Variants in NPAS3 observed in about 807,000 individuals in gnomAD.
The protein encoded by NPAS3 is neuronal PAS domain protein 3.
NPAS3 carries 14 observed loss-of-function variants against 73.1 expected under a neutral mutation model. The ratio of observed to expected loss-of-function variants is 0.19; its 90% confidence interval spans 0.13 to 0.30. The LOEUF is 0.30. NPAS3 is among the 10% of genes least tolerant of loss of function. The pLI is 1.00. For missense variants in NPAS3, 1,096 were observed against 1,250.0 expected (o/e 0.88, Z 1.86); for synonymous variants, 620 against 541.5 (o/e 1.14, Z -2.01).
chr14:33,593,004 G>A (rs1407446574), intron 5 of NPAS3, among the ~76,000 whole-genome samples: 2 of 151,984 alleles, frequency 1.3e-5, no homozygotes, highest in East Asian at 1.9e-4. Context: ...GACACATCTC[G>A]TAGAAGGTAA....
intron 4 of NPAS3, among the ~76,000 whole-genome samples, chr14:33,531,452 A>G (rs2054040295): frequency 6.6e-6 from 1 of 152,108 alleles, no homozygotes; most frequent in Admixed American, 6.6e-5. Context: ...ATGATACAGT[A>G]TGTAAGCTTT....
At chr14:33,414,552 T>A (rs1178998362) in intron 4 of NPAS3, among the ~76,000 whole-genome samples, 2 of 152,172 alleles carry the variant, frequency 1.3e-5, no homozygotes, top group Non-Finnish European at 1.5e-5. Context: ...CTGATAAGTT[T>A]TACTTCAAAT....
chr14:33,165,327 A>G (rs1268459098), intron 2 of NPAS3, among the ~76,000 whole-genome samples: 1 of 151,202 alleles, frequency 6.6e-6, no homozygotes, highest in Non-Finnish European at 1.5e-5. Flanking sequence ...TCATTGCATA[A>G]TCTAGTAGGC....
At chr14:33,560,257 T>G (rs2055576888) in intron 5 of NPAS3, 47 bp downstream of exon 5, 1 of 805,722 alleles carries the variant, frequency 1.2e-6, no homozygotes, top group Non-Finnish European at 2.2e-6. Context: ...TGAAGCCTTC[T>G]TCAGCCTCAT....
intron 5 of NPAS3, chr14:33,612,574 T>C (rs2057785599): frequency 2.2e-6 from 1 of 448,664 alleles, no homozygotes; most frequent in Non-Finnish European, 4.5e-6. Context: ...AAACTCTGTA[T>C]ACTTGCTTTT....
intron 3 of NPAS3, among the ~76,000 whole-genome samples, chr14:33,342,382 T>G (rs2140314790): frequency 6.6e-6 from 1 of 152,282 alleles, no homozygotes; most frequent in Admixed American, 6.5e-5. Flanking sequence ...CCACAGAATG[T>G]GTGTGGTCCT....
intron 1 of NPAS3, among the ~76,000 whole-genome samples, chr14:33,015,643 A>G (rs1193952144): frequency 6.6e-6 from 1 of 152,216 alleles, no homozygotes; most frequent in Non-Finnish European, 1.5e-5. Context: ...TGTATTATAT[A>G]GATGCACATG....
intron 4 of NPAS3, among the ~76,000 whole-genome samples, chr14:33,505,002 A>G (rs557530309): frequency 1.3e-5 from 2 of 152,154 alleles, no homozygotes; most frequent in East Asian, 1.9e-4. Flanking sequence ...TGTCTCTCTC[A>G]AGTAAATTGA....
At chr14:33,409,047 C>T (rs1361563251) in intron 4 of NPAS3, among the ~76,000 whole-genome samples, 1 of 152,170 alleles carries the variant, frequency 6.6e-6, no homozygotes, top group South Asian at 2.1e-4. Flanking sequence ...CTTCTAAGTT[C>T]TCCCACTGAT....
At chr14:33,639,285 G>C (rs1181960677) in intron 5 of NPAS3, among the ~76,000 whole-genome samples, 1 of 152,108 alleles carries the variant, frequency 6.6e-6, no homozygotes, top group African/African-American at 2.4e-5. Flanking sequence ...GTCTGGATTG[G>C]CCAATCTCAA....
intron 6 of NPAS3, among the ~76,000 whole-genome samples, chr14:33,725,013 A>G (rs578108145): frequency 1.3e-5 from 2 of 152,318 alleles, no homozygotes; most frequent in South Asian, 4.1e-4. Flanking sequence ...TGTGTTTGAA[A>G]GTGATGTAAT....
At chr14:33,584,401 TAA>T (rs5807734) in intron 5 of NPAS3, among the ~76,000 whole-genome samples, 1 of 84,322 alleles carries the variant, frequency 1.2e-5, no homozygotes, top group Non-Finnish European at 2.6e-5. Flanking sequence ...GATGTTTATT[TAA>T]AAAAAAAAAG....
chr14:33,423,553 A>G (rs2048438075), intron 4 of NPAS3, among the ~76,000 whole-genome samples: 2 of 152,022 alleles, frequency 1.3e-5, no homozygotes, highest in Non-Finnish European at 2.9e-5. Context: ...CTGGTACAAA[A>G]CATGTATGTA....
Position 33,800,506 on chromosome 14 carries a change from C to G in NPAS3, c.2199C>G (p.Ala733=). ...CCGCCCGCAAGACTCAGTTCGGCGC[C>G]TCGGCCACCGCGGCCCTGGCCCCCG... The change falls in exon 12 of 12, where the codon GCC becomes GCG. Residue 733 remains alanine, a synonymous_variant. Coordinates refer to ENST00000356141, the Ensembl canonical transcript of NPAS3. This position sits in a 1 kb window ranked among gnomAD's most constrained non-coding sequence, Gnocchi z 6.5. The G allele has an allele frequency of 7.0e-7, 1 of 1,433,780 alleles. No homozygotes were observed. The highest frequency in any genetic ancestry group is 9.1e-7 in the Non-Finnish European group (1 of 1,101,346). 88.8% of individuals were successfully genotyped at this position (1,433,780 alleles called of 1,614,324 possible).
chr14:32,985,117 T>C (rs529333627), intron 1 of NPAS3, among the ~76,000 whole-genome samples: 10 of 144,630 alleles, frequency 6.9e-5, no homozygotes, highest in South Asian at 4.2e-4. Flanking sequence ...CCATATGATA[T>C]GGACATCAGA....
At chr14:32,938,464 A>AGAGAGAGAGAGAAATG, upstream of NPAS3, among the ~76,000 whole-genome samples, 1 of 78,776 alleles carries the variant, frequency 1.3e-5, no homozygotes, top group Non-Finnish European at 3.3e-5. Flanking sequence ...AGAAAGAGAG[A>AGAGAGAGAGAGAAATG]GAGAGAGAGA....
At chr14:33,502,293 C>T (rs973772462) in intron 4 of NPAS3, among the ~76,000 whole-genome samples, 3 of 151,052 alleles carry the variant, frequency 2.0e-5, no homozygotes, top group Admixed American at 6.6e-5. Flanking sequence ...AACACTTTGG[C>T]TTTTTCCTCC....
chr14:33,172,099 G>A (rs2045412488), intron 2 of NPAS3, among the ~76,000 whole-genome samples: 1 of 152,090 alleles, frequency 6.6e-6, no homozygotes. Flanking sequence ...TGACATCAAA[G>A]ATCACTGATC....
At chr14:33,736,290 A>G (rs2061522048) in intron 7 of NPAS3, among the ~76,000 whole-genome samples, 1 of 152,208 alleles carries the variant, frequency 6.6e-6, no homozygotes, top group Admixed American at 6.5e-5. Flanking sequence ...TAGCAGCTGT[A>G]TAGAAGTCAG....
Sources: allele counts gnomAD v4.1 joint callset (sites outside exome capture counted in the v4.1 genomes callset), GRCh38; gene constraint gnomAD v4.1.1; non-coding constraint Gnocchi (gnomAD v3.1); transcripts MANE v1.5; gene names NCBI Gene and HGNC (gene_info 2026-07-23, HGNC 2026-07-21).